NBAS: variants seen among roughly 807,000 people sequenced by gnomAD.
NBAS encodes NBAS subunit of NRZ tethering complex.
Under a neutral mutation model 302.5 loss-of-function variants are expected in NBAS, and 219 were observed. The observed-to-expected ratio is 0.72, with a 90% confidence interval of 0.65 to 0.81. The LOEUF is 0.81. Among genes scored for constraint, NBAS ranks in the 30% least tolerant of loss-of-function variants. The pLI, the probability that NBAS is intolerant of heterozygous loss-of-function variation, is 0.00. For synonymous variants in NBAS, 1,118 were observed against 1,021.6 expected, an observed-to-expected ratio of 1.09 and a Z score of -1.80; for missense variants, 2,932 against 2,841.6, an observed-to-expected ratio of 1.03 and a Z score of -0.72.
chr2:15,259,077 C>G (rs574112099), intron 44 of NBAS, among the ~76,000 whole-genome samples: 1 of 151,920 alleles, frequency 6.6e-6, no homozygotes, highest in Non-Finnish European at 1.5e-5. Context: ...TGGGTTCCCC[C>G]GATACATCAA....
chr2:15,559,979 C>T (rs748215009), intron 1 of NBAS, among the ~76,000 whole-genome samples: 12 of 152,064 alleles, frequency 7.9e-5, no homozygotes, highest in Non-Finnish European at 1.0e-4. Flanking sequence ...GATCTCTACC[C>T]GTCTACAAAA....
intron 8 of NBAS, 25 bp downstream of exon 8, chr2:15,536,393 T>C: frequency 1.9e-6 from 3 of 1,609,312 alleles, no homozygotes; most frequent in Non-Finnish European, 2.5e-6. Flanking sequence ...TTATTTCAAA[T>C]ATGGCTTCCA....
the NBAS span, among the ~76,000 whole-genome samples, chr2:14,964,364 A>G: frequency 6.6e-6 from 1 of 152,334 alleles, no homozygotes; most frequent in East Asian, 1.9e-4. Flanking sequence ...AATGTCTGAG[A>G]TAAAAAAATA....
chr2:15,159,518 A>C, the NBAS span, among the ~76,000 whole-genome samples: 1 of 152,268 alleles, frequency 6.6e-6, no homozygotes, highest in Non-Finnish European at 1.5e-5. Flanking sequence ...ACATAAAAGA[A>C]GAAATACTGT....
the NBAS span, among the ~76,000 whole-genome samples, chr2:15,017,988 TA>T: frequency 2.6e-5 from 4 of 152,052 alleles, no homozygotes; most frequent in African/African-American, 9.7e-5. Flanking sequence ...CTTACATTCA[TA>T]ACATGGATGG....
chr2:15,087,258 C>CACACA, the NBAS span, among the ~76,000 whole-genome samples: 204 of 131,392 alleles, frequency 1.6e-3, 1 homozygote, highest in African/African-American at 6.6e-3. Context: ...ACACACACAC[C>CACACA]CCATATTGGT....
the NBAS span, among the ~76,000 whole-genome samples, chr2:15,121,667 T>C: frequency 3.9e-4 from 60 of 152,308 alleles, no homozygotes; most frequent in Non-Finnish European, 7.2e-4. Context: ...ACTGGGTCTT[T>C]GTCACCATAG....
At chr2:15,382,626 G>C (rs1675095071) in intron 29 of NBAS, among the ~76,000 whole-genome samples, 1 of 152,160 alleles carries the variant, frequency 6.6e-6, no homozygotes, top group Admixed American at 6.5e-5. Context: ...TGACAGGCTT[G>C]ATGGTGCTAC....
chr2:15,554,878 T>C (rs1664576242), intron 3 of NBAS, among the ~76,000 whole-genome samples: 1 of 152,090 alleles, frequency 6.6e-6, no homozygotes. Flanking sequence ...ACTTTACTCA[T>C]GTGATGCAAG....
chr2:14,838,218 C>A, the NBAS span, among the ~76,000 whole-genome samples: 2 of 151,928 alleles, frequency 1.3e-5, no homozygotes, highest in Admixed American at 1.3e-4. Context: ...GCCCATTTTA[C>A]TTTATGTCTC....
chr2:15,003,887 C>A, the NBAS span, among the ~76,000 whole-genome samples: 160 of 152,306 alleles, frequency 1.1e-3, 2 homozygotes, highest in Non-Finnish European at 7.3e-5. Context: ...TCTCTCGCTG[C>A]TGAAAGATAA....
chr2:14,785,634 G>T, the NBAS span, among the ~76,000 whole-genome samples: 2 of 152,160 alleles, frequency 1.3e-5, no homozygotes, highest in Admixed American at 6.5e-5. Context: ...ATTGATTTGT[G>T]TATATTGAAC....
the NBAS span, among the ~76,000 whole-genome samples, chr2:14,801,494 T>C: frequency 6.6e-6 from 1 of 152,154 alleles, no homozygotes; most frequent in South Asian, 2.1e-4. Flanking sequence ...TTTCTAGAAA[T>C]TTGTGTTTTT....
chr2:14,930,730 A>G, the NBAS span, among the ~76,000 whole-genome samples: 9 of 152,208 alleles, frequency 5.9e-5, no homozygotes, highest in Non-Finnish European at 1.3e-4. Context: ...GACATTGGAC[A>G]CTACTTAACA....
intron 12 of NBAS, among the ~76,000 whole-genome samples, chr2:15,487,770 A>T (rs779326104): frequency 9.2e-5 from 14 of 152,172 alleles, no homozygotes; most frequent in Non-Finnish European, 1.9e-4. Flanking sequence ...GCAGAGAGAA[A>T]GACTGTCCCT....
the NBAS span, among the ~76,000 whole-genome samples, chr2:14,976,803 G>T: frequency 6.6e-6 from 1 of 152,194 alleles, no homozygotes; most frequent in African/African-American, 2.4e-5. Flanking sequence ...GGCAGTGATT[G>T]AAGTTATGCA....
At chr2:15,539,889 T>C (rs568991401) in intron 6 of NBAS, among the ~76,000 whole-genome samples, 2 of 151,968 alleles carry the variant, frequency 1.3e-5, no homozygotes, top group South Asian at 4.2e-4. Flanking sequence ...CACATATACA[T>C]ACACACATAG....
intron 16 of NBAS, among the ~76,000 whole-genome samples, chr2:15,471,357 T>C (rs538520074): frequency 6.6e-6 from 1 of 152,366 alleles, no homozygotes; most frequent in East Asian, 1.9e-4. Context: ...GTTAGGTTTA[T>C]CATCCTGTTT....
At chr2:15,007,489 T>G in the NBAS span, among the ~76,000 whole-genome samples, 1 of 152,234 alleles carries the variant, frequency 6.6e-6, no homozygotes. Flanking sequence ...AGCGAAGTTT[T>G]TTTTATTGCA....
Sources: allele counts gnomAD v4.1 joint callset (sites outside exome capture counted in the v4.1 genomes callset), GRCh38; gene constraint gnomAD v4.1.1; transcripts MANE v1.5; gene names NCBI Gene and HGNC (gene_info 2026-07-23, HGNC 2026-07-21).